The following HDAC1 variants were observed in gnomAD, a reference collection of about 807,000 sequenced individuals.
HDAC1 encodes the protein histone deacetylase 1, also known as protein deacetylase HDAC1.
Under a neutral mutation model 65.5 loss-of-function variants are expected in HDAC1, and 18 were observed. The ratio of observed to expected loss-of-function variants is 0.27; its 90% CI spans 0.19 to 0.41. HDAC1 has a LOEUF of 0.41. HDAC1 is among the 10% of genes least tolerant of loss of function. The pLI is 1.00. For missense variants in HDAC1, 373 were observed against 625.2 expected (o/e 0.60, Z 4.30); for synonymous variants, 211 against 227.9 (o/e 0.93, Z 0.67).
Position 32,297,279 on chromosome 1 carries a change from C to T in HDAC1, c.49+5061C>T, listed in dbSNP as rs569615512. Among the ~76,000 whole-genome samples, 15 of 152,232 alleles carry T rather than the reference C, an allele frequency of 9.9e-5. No homozygotes were observed. The East Asian group carries it at 1.7e-3, about 18-fold the overall frequency. On this transcript the variant is annotated intron_variant, in intron 1 of 13. Coordinates refer to ENST00000373548, the MANE Select transcript of HDAC1 (RefSeq NM_004964.3). ...AAAATGGGCTGGGCATGGTGGTTCA[C>T]GCCTGTAATCCCAGTAGTTTGGGAG... is the stretch of plus-strand genomic sequence containing the variant.
At chr1:32,313,553 C>G (rs1641019466) in intron 2 of HDAC1, among the ~76,000 whole-genome samples, 1 of 152,162 alleles carries the variant, frequency 6.6e-6, no homozygotes. Context: ...GAAAGAGTGA[C>G]TGTCACAGAG....
chr1:32,303,262 C>T (rs1004284805), intron 2 of HDAC1, among the ~76,000 whole-genome samples: 8 of 151,870 alleles, frequency 5.3e-5, no homozygotes, highest in African/African-American at 9.7e-5. Context: ...CCCAGGAGTT[C>T]GAGACCATCC....
intron 1 of HDAC1, among the ~76,000 whole-genome samples, chr1:32,302,129 G>A (rs996195350): frequency 1.3e-5 from 2 of 152,186 alleles, no homozygotes; most frequent in Non-Finnish European, 2.9e-5. Flanking sequence ...TTTCTTATCT[G>A]TAAGGTGAGA....
intron 3 of HDAC1, among the ~76,000 whole-genome samples, chr1:32,320,021 A>T (rs1248154446): frequency 6.6e-6 from 1 of 152,026 alleles, no homozygotes; most frequent in African/African-American, 2.4e-5. Context: ...TCGAGACACC[A>T]TCCTGGCTAA....
rs1219799115 is a variant in HDAC1 at position 32,332,811 on chromosome 1, C to T, written c.1421+62C>T. 4 of 1,425,298 alleles carry T rather than the reference C, an allele frequency of 2.8e-6. No homozygotes were observed. The African/African-American group carries it at 4.2e-5, about 15-fold the overall frequency. 88.3% of individuals were successfully genotyped at this position (1,425,298 alleles called of 1,614,324 possible). A position where few individuals can be genotyped will look rare whatever the true frequency, so the allele number is the denominator to read the frequency against. On this transcript the variant is annotated intron_variant, in intron 13 of 13. Transcript: ENST00000373548. ...TTGGAGCACCAGCCCCTTTGTCCCA[C>T]CACTCTGAGGAAAGGCACAGGGACA...
At chr1:32,328,540 C>T (rs997477580) in intron 6 of HDAC1, among the ~76,000 whole-genome samples, 3 of 152,134 alleles carry the variant, frequency 2.0e-5, no homozygotes, top group Non-Finnish European at 4.4e-5. Flanking sequence ...AGGCTGGTCT[C>T]GAACTCCTGA....
Position 32,330,974 on chromosome 1 carries a change from TA to T in HDAC1, c.979+67del. The T allele has an allele frequency of 6.6e-7, 1 of 1,513,576 alleles. No homozygotes were observed. The highest frequency in any genetic ancestry group is 1.1e-5 in the South Asian group (1 of 88,338). 93.8% of individuals were successfully genotyped at this position (1,513,576 alleles called of 1,614,324 possible). On this transcript the variant is annotated intron_variant, in intron 9 of 13. Transcript: ENST00000373548. This position sits in a 1 kb window ranked among gnomAD's most constrained non-coding sequence, Gnocchi z 4.2. ...GCTGGAGCTCATCTGTCCTTAAGTT[TA>T]TAACCCCTTCCCCGTTGGTCATATG... is the stretch of plus-strand genomic sequence containing the variant.
intron 1 of HDAC1, among the ~76,000 whole-genome samples, chr1:32,292,643 C>T (rs1283432772): frequency 6.6e-6 from 1 of 152,042 alleles, no homozygotes; most frequent in East Asian, 1.9e-4. Context: ...ACTGGTTGCC[C>T]GCCTCCCCTC....
At position 32,299,723 on chromosome 1, in the gene HDAC1, G is replaced by GCC. The variant is rs141029386; in HGVS notation, c.50-2896_50-2895dup. Among the ~76,000 whole-genome samples the GCC allele has an allele frequency of 7.2e-3, 1,093 of 152,252 alleles. 17 individuals are homozygous for GCC. The highest frequency in any genetic ancestry group is 0.025 in the African/African-American group (1,021 of 41,546). On this transcript the variant is annotated intron_variant, in intron 1 of 13. Transcript: ENST00000373548. Reference sequence around the variant, plus strand: ...ATTTTCTATCAGGTAGACTTATAGAGCCCTCTAGATTAAGTGCAAACTGAA... The same window carrying GCC: ...ATTTTCTATCAGGTAGACTTATAGAGCCCCCTCTAGATTAAGTGCAAACTGAA...
chr1:32,330,685 A>G lies in HDAC1; in HGVS notation c.837A>G (p.Lys279=). The part of the protein sequence containing the change: ...DRLGCFNLTI[K]GHAKCVEFVK... ...TAGGTTGCTTCAATCTAACTATCAA[A>G]GGTGAGACCAGGTAGCACAAGGATG... Residue 279 remains lysine, a splice_region_variant and synonymous_variant, in exon 8 of 14, where the codon AAA becomes AAG. Coordinates refer to ENST00000373548, the MANE Select transcript of HDAC1 (RefSeq NM_004964.3). This position sits in a 1 kb window ranked among gnomAD's most constrained non-coding sequence, Gnocchi z 4.2. 1 of 1,613,720 alleles carries G rather than the reference A, an allele frequency of 6.2e-7. No individual in the cohort carries two copies. Among genetic ancestry groups the G allele is most frequent in the Non-Finnish European group, 8.5e-7 (1 of 1,179,608 alleles).
rs888034300 is a variant in HDAC1 at position 32,329,440 on chromosome 1, T to C, written c.729+280T>C. On this transcript the variant is annotated intron_variant, in intron 7 of 13. Coordinates refer to ENST00000373548, the MANE Select transcript of HDAC1 (RefSeq NM_004964.3). The surrounding 1 kb of genome is among the most constrained non-coding windows in gnomAD (Gnocchi z 4.1). Reference sequence around the variant, plus strand: ...GTGGGGAAGGCAGGCACATACCCAGTAGTCTATGATTAGTACTGTTTTTGT... The same window carrying C: ...GTGGGGAAGGCAGGCACATACCCAGCAGTCTATGATTAGTACTGTTTTTGT... 1 of 548,538 alleles carries C rather than the reference T, an allele frequency of 1.8e-6. No homozygotes were observed. The highest frequency in any genetic ancestry group is 1.9e-5 in the African/African-American group (1 of 52,948). 34.0% of individuals were successfully genotyped at this position (548,538 alleles called of 1,614,324 possible).
rs1472029568 is a variant in HDAC1, at chr1:32,329,605, A to G, written c.729+445A>G. On this transcript the variant is annotated intron_variant, in intron 7 of 13. Transcript: ENST00000373548. This position sits in a 1 kb window ranked among gnomAD's most constrained non-coding sequence, Gnocchi z 4.1. ...TAGGGACTTACTCCAGTCTTTGCAG[A>G]CTGGCTTTGTCTGGGAAAGCCCTTT... 1 of 182,748 alleles carries G rather than the reference A, an allele frequency of 5.5e-6. No individual in the cohort carries two copies. The highest frequency in any genetic ancestry group is 1.2e-5 in the Non-Finnish European group (1 of 85,616). 11.3% of individuals were successfully genotyped at this position (182,748 alleles called of 1,614,324 possible).
chr1:32,309,043 C>A (rs1254656938), intron 2 of HDAC1, among the ~76,000 whole-genome samples: 1 of 152,026 alleles, frequency 6.6e-6, no homozygotes, highest in Non-Finnish European at 1.5e-5. Context: ...AAGTGCTGGG[C>A]CCAAGCAGTC....
rs1354882158 is a variant in HDAC1, at chr1:32,331,195, GA to G, written c.980-277del. 6.6e-6 allele frequency among the ~76,000 whole-genome samples: 1 copy of G among 152,222 alleles called. No homozygotes were observed. The highest frequency in any genetic ancestry group is 1.5e-5 in the Non-Finnish European group (1 of 68,038). Reference sequence around the variant, plus strand: ...CTGTAGAGTAACTGGAGTAGCGAGTGAAGGGAGCGCTCATAATGAGCATGGC... The same window carrying G: ...CTGTAGAGTAACTGGAGTAGCGAGTGAGGGAGCGCTCATAATGAGCATGGC... On this transcript the variant is annotated intron_variant, in intron 9 of 13. Coordinates refer to ENST00000373548, the MANE Select transcript of HDAC1 (RefSeq NM_004964.3). The surrounding 1 kb of genome is among the most constrained non-coding windows in gnomAD (Gnocchi z 4.2).
chr1:32,317,156 T>C (rs1161080900), intron 3 of HDAC1, among the ~76,000 whole-genome samples: 1 of 152,184 alleles, frequency 6.6e-6, no homozygotes, highest in Non-Finnish European at 1.5e-5. Flanking sequence ...CTGGGCCACA[T>C]GATCTCTGAT....
At chr1:32,317,956 C>G (rs1307379963) in intron 3 of HDAC1, among the ~76,000 whole-genome samples, 1 of 152,070 alleles carries the variant, frequency 6.6e-6, no homozygotes, top group African/African-American at 2.4e-5. Flanking sequence ...GTGTTATTTC[C>G]CGCCCCTGCC....
intron 2 of HDAC1, among the ~76,000 whole-genome samples, chr1:32,315,678 T>A (rs111546704): frequency 0.045 from 6,778 of 150,084 alleles, 498 homozygotes; most frequent in African/African-American, 0.16. Flanking sequence ...TAAGTAATAA[T>A]TTTGTAGGCC....
At chr1:32,317,055 C>T (rs754920636) in intron 3 of HDAC1, among the ~76,000 whole-genome samples, 4 of 152,122 alleles carry the variant, frequency 2.6e-5, no homozygotes, top group South Asian at 2.1e-4. Flanking sequence ...TGACCTGGGA[C>T]GGGGAGACAA....
intron 4 of HDAC1, among the ~76,000 whole-genome samples, chr1:32,325,771 A>G (rs1641208094): frequency 6.6e-6 from 1 of 152,192 alleles, no homozygotes; most frequent in South Asian, 2.1e-4. Flanking sequence ...CATGCCTGTA[A>G]TCTCAGCACT....
Sources: gnomAD v4.1 joint callset for allele counts (sites outside exome capture counted in the v4.1 genomes callset) on GRCh38, gnomAD v4.1.1 for gene constraint, Gnocchi (gnomAD v3.1) non-coding constraint, MANE v1.5 for transcripts, NCBI Gene and HGNC (gene_info 2026-07-23, HGNC 2026-07-21) for gene names.